Variants in RPS6KL1 observed in about 807,000 individuals in gnomAD.
RPS6KL1 encodes ribosomal protein S6 kinase like 1.
RPS6KL1 carries 41 observed loss-of-function variants against 57.0 expected under a neutral mutation model. The observed-to-expected ratio is 0.72, with a 90% CI of 0.56 to 0.93. RPS6KL1 has a LOEUF of 0.93. RPS6KL1 is among the 40% of genes least tolerant of loss of function. The pLI is 0.00. For missense variants in RPS6KL1, 697 were observed against 727.7 expected, an observed-to-expected ratio of 0.96 and a Z score of 0.49; for synonymous variants, 287 against 309.7, an observed-to-expected ratio of 0.93 and a Z score of 0.77.
At chr14:74,922,977 G>T (rs1176465721) in intron 1 of RPS6KL1, among the ~76,000 whole-genome samples, 2 of 152,184 alleles carry the variant, frequency 1.3e-5, no homozygotes, top group African/African-American at 4.8e-5. Flanking sequence ...GCTCTGGGGG[G>T]TGCCCGGGTA....
chr14:74,921,238 T>TTCCCCCCCCCCC (rs1887778414), intron 3 of RPS6KL1, 39 bp downstream of exon 3: 94 of 839,974 alleles, frequency 1.1e-4, no homozygotes, highest in Middle Eastern at 2.6e-4. Flanking sequence ...CACTGGCCCT[T>TTCCCCCCCCCCC]CCCCACCCAC....
rs1885117407 is a variant in RPS6KL1, at chr14:74,907,506, C to G, written c.1468G>C (p.Gly490Arg). ...GMALSQSHPS[G>R]IQAHTQLQLP... ...TGGAGCTGGGTGTGGGCCTGGATTC[C>G]TGAAGGGTGGCTCTGGGACAGTGCC... Residue 490 changes from glycine to arginine, a missense_variant, in exon 11 of 12, where the codon GGA becomes CGA. Physicochemically the swap from Gly to Arg is moderately radical, Grantham distance 125 (BLOSUM62 -2). Transcript: ENST00000557413. 3 of 1,582,678 alleles carry G rather than the reference C, an allele frequency of 1.9e-6. No homozygotes were observed. The highest frequency in any genetic ancestry group is 2.6e-6 in the Non-Finnish European group (3 of 1,164,372).
At chr14:74,918,717 G>A in intron 4 of RPS6KL1, 112 bp from the exon 5 acceptor site, 1 of 772,980 alleles carries the variant, frequency 1.3e-6, no homozygotes, top group Non-Finnish European at 2.1e-6. Flanking sequence ...GAACAGCTGG[G>A]AGGGCAGGGG....
At chr14:74,918,742 A>C (rs780798814) in intron 4 of RPS6KL1, 137 bp from the exon 5 acceptor site, 1 of 597,076 alleles carries the variant, frequency 1.7e-6, no homozygotes, top group Non-Finnish European at 2.9e-6. Context: ...GGCAGGCCCC[A>C]CCCCACAGTG....
At chr14:74,910,964 C>T (rs1394145971) in intron 7 of RPS6KL1, 10 of 358,446 alleles carry the variant, frequency 2.8e-5, no homozygotes, top group Non-Finnish European at 4.9e-5. Context: ...CTCCACCTCC[C>T]GGGTTCAAGC....
chr14:74,911,358 A>C lies in RPS6KL1; in HGVS notation c.554T>G (p.Val185Gly). ...GATGATGGTCAGCCGCTCCCTGCTC[A>C]CCATGTGGCACCTGGGTAGGCTCTG... is the stretch of plus-strand genomic sequence containing the variant. ...VVKSLPRCHM[V>G]SRERLTIIPH... Residue 185 changes from valine (V) to glycine (G), a missense_variant, in exon 7 of 12, where the codon GTG becomes GGG. Physicochemically the swap from Val to Gly is moderately radical, Grantham distance 109 (BLOSUM62 -3). Coordinates refer to ENST00000557413, the MANE Select transcript of RPS6KL1 (RefSeq NM_031464.5). 1 of 1,608,434 alleles carries C rather than the reference A, an allele frequency of 6.2e-7. No individual in the cohort carries two copies. Among genetic ancestry groups the C allele is most frequent in the Non-Finnish European group, 8.5e-7 (1 of 1,179,284 alleles).
chr14:74,913,869 AGC>A (rs1179305791), intron 5 of RPS6KL1, among the ~76,000 whole-genome samples: 1 of 152,246 alleles, frequency 6.6e-6, no homozygotes, highest in Non-Finnish European at 1.5e-5. Flanking sequence ...CTCTGTGCTA[AGC>A]ACTTTACATA....
rs1884436802 is a variant in RPS6KL1 at position 74,904,202 on chromosome 14, G to GATTGGCA, written c.*2805_*2811dup. The GATTGGCA allele has an allele frequency of 6.6e-6, 1 of 152,236 alleles. No individual in the cohort carries two copies. The highest frequency in any genetic ancestry group is 1.5e-5 in the Non-Finnish European group (1 of 68,060). 9.4% of individuals were successfully genotyped at this position (152,236 alleles called of 1,614,324 possible). ...TCATAGGCAGAATCAAAGATTTTCT[G>GATTGGCA]ATTGGCAATTGGTTGAAAGAGTTAT... On this transcript the variant is annotated 3_prime_UTR_variant, in exon 12 of 12. Transcript: ENST00000557413.
chr14:74,911,876 T>C, intron 5 of RPS6KL1, 35 bp from the exon 6 acceptor site: 1 of 1,545,756 alleles, frequency 6.5e-7, no homozygotes, highest in Non-Finnish European at 8.8e-7. Context: ...TTAAGGCAGG[T>C]ACTAGCTCCT....
At chr14:74,916,884 T>A (rs1886938780) in intron 5 of RPS6KL1, among the ~76,000 whole-genome samples, 1 of 152,226 alleles carries the variant, frequency 6.6e-6, no homozygotes, top group Non-Finnish European at 1.5e-5. Flanking sequence ...GCTGTTTTCC[T>A]ATCATACTCA....
chr14:74,920,481 T>G (rs1023526195), intron 3 of RPS6KL1, among the ~76,000 whole-genome samples: 1 of 152,034 alleles, frequency 6.6e-6, no homozygotes, highest in Admixed American at 6.5e-5. Context: ...CCTCAAGGCC[T>G]GGCCACCAGG....
intron 3 of RPS6KL1, 37 bp downstream of exon 3, chr14:74,921,240 C>CCCCCCCCCCCCCCCCCCT: frequency 1.3e-6 from 1 of 771,000 alleles, no homozygotes; most frequent in Non-Finnish European, 2.4e-6. Flanking sequence ...CTGGCCCTTC[C>CCCCCCCCCCCCCCCCCCT]CCACCCACCC....
intron 3 of RPS6KL1, 131 bp from the exon 4 acceptor site, chr14:74,920,100 C>T (rs913716851): frequency 8.4e-7 from 1 of 1,193,798 alleles, no homozygotes; most frequent in Non-Finnish European, 1.2e-6. Flanking sequence ...GCAGATTCTG[C>T]CCCCAGATTG....
At chr14:74,909,442 GGAGCA>G in intron 8 of RPS6KL1, 96 bp downstream of exon 8, 1 of 1,439,426 alleles carries the variant, frequency 6.9e-7, no homozygotes, top group Non-Finnish European at 9.3e-7. Flanking sequence ...GGGCCAGGGA[GGAGCA>G]GACAACCTTG....
chr14:74,910,411 C>T (rs1211922913), intron 7 of RPS6KL1: 4 of 358,796 alleles, frequency 1.1e-5, no homozygotes, highest in Non-Finnish European at 1.5e-5. Context: ...CTATCAGTGT[C>T]TGTGGTTTGG....
Position 74,919,984 on chromosome 14 carries a change from A to T in RPS6KL1, c.266-15T>A. Reference sequence around the variant, plus strand: ...GTTGGGGTCAACTGTGGGAGACAAGAGTCACCAGGGTCCCCAGCCATGGCC... The same window carrying T: ...GTTGGGGTCAACTGTGGGAGACAAGTGTCACCAGGGTCCCCAGCCATGGCC... On this transcript the variant is annotated splice_polypyrimidine_tract_variant and intron_variant, in intron 3 of 11. Transcript: ENST00000557413. 1 of 1,614,036 alleles carries T rather than the reference A, an allele frequency of 6.2e-7. No homozygotes were observed. The highest frequency in any genetic ancestry group is 8.5e-7 in the Non-Finnish European group (1 of 1,179,972).
At chr14:74,918,473 C>T (rs1887236062) in intron 5 of RPS6KL1, 40 bp downstream of exon 5, 2 of 1,422,232 alleles carry the variant, frequency 1.4e-6, no homozygotes, top group South Asian at 2.6e-5. Context: ...AAATTGCATA[C>T]ACTGTCTCCC....
intron 5 of RPS6KL1, among the ~76,000 whole-genome samples, chr14:74,917,650 C>T (rs969853715): frequency 6.6e-6 from 1 of 152,034 alleles, no homozygotes; most frequent in Non-Finnish European, 1.5e-5. Flanking sequence ...ATGAGTGCCC[C>T]GAGTAAGGGT....
chr14:74,909,403 C>T, intron 8 of RPS6KL1, 140 bp downstream of exon 8: 3 of 1,209,204 alleles, frequency 2.5e-6, no homozygotes, highest in Non-Finnish European at 3.4e-6. Context: ...CCAACAGACT[C>T]CAGCCTAGGC....
Sources: gnomAD v4.1 joint callset for allele counts (sites outside exome capture counted in the v4.1 genomes callset) on GRCh38, gnomAD v4.1.1 for gene constraint, MANE v1.5 for transcripts, NCBI Gene and HGNC (gene_info 2026-07-23, HGNC 2026-07-21) for gene names.